GPC6: variants seen among roughly 807,000 people sequenced by gnomAD.
GPC6 encodes the protein glypican 6, also known as glypican-6.
GPC6 carries 14 observed loss-of-function variants against 55.2 expected under a neutral mutation model. The ratio of observed to expected loss-of-function variants is 0.25; its 90% confidence interval spans 0.17 to 0.40. GPC6 has a LOEUF of 0.40. Ranked by LOEUF, GPC6 falls within the 10% of genes least tolerant of loss-of-function variation. GPC6 has a pLI of 1.00. For missense variants in GPC6, 641 were observed against 708.5 expected (o/e 0.90, Z 1.08); for synonymous variants, 278 against 259.6 (o/e 1.07, Z -0.68).
At position 94,138,681 on chromosome 13, in the gene GPC6, A is replaced by G. The variant is rs576745246; in HGVS notation, c.877+110787A>G. Among the ~76,000 whole-genome samples, 5 of 152,298 alleles carry G rather than the reference A, an allele frequency of 3.3e-5. No homozygotes were observed. In the South Asian group the frequency reaches 8.3e-4, roughly 25 times the overall value. The stretch of plus-strand genomic sequence containing the variant: ...TGATCTTACCATGTGAAATTTTACT[A>G]TAAGCTTAAGCCTACTTAAGGTATC... On this transcript the variant is annotated intron_variant, in intron 4 of 8. Transcript: ENST00000377047.
At chr13:93,647,819 GCT>G (rs1055526949) in intron 2 of GPC6, among the ~76,000 whole-genome samples, 4 of 152,000 alleles carry the variant, frequency 2.6e-5, no homozygotes, top group African/African-American at 9.7e-5. Flanking sequence ...CCATAGCCTG[GCT>G]CTCTCTGTCT....
chr13:93,840,637 G>T (rs1043890991), intron 3 of GPC6, among the ~76,000 whole-genome samples: 2 of 151,976 alleles, frequency 1.3e-5, no homozygotes, highest in African/African-American at 2.4e-5. Flanking sequence ...TTTCCCAGGG[G>T]TATATTCTGG....
intron 5 of GPC6, among the ~76,000 whole-genome samples, chr13:94,305,221 A>G (rs982042060): frequency 3.9e-5 from 6 of 152,212 alleles, no homozygotes; most frequent in Non-Finnish European, 8.8e-5. Context: ...CCGTTGCAGC[A>G]ATGAGAAATA....
chr13:93,372,574 T>C (rs2139193182), intron 1 of GPC6, among the ~76,000 whole-genome samples: 1 of 152,316 alleles, frequency 6.6e-6, no homozygotes, highest in Middle Eastern at 3.4e-3. Flanking sequence ...ATGCAAGTTA[T>C]TGTATATTCT....
chr13:93,233,598 C>T (rs375087592), intron 1 of GPC6, among the ~76,000 whole-genome samples: 2 of 152,158 alleles, frequency 1.3e-5, no homozygotes, highest in African/African-American at 2.4e-5. Flanking sequence ...AAATGCATAG[C>T]ACTAAGGACA....
At chr13:94,041,547 T>G (rs542319383) in intron 4 of GPC6, among the ~76,000 whole-genome samples, 1 of 151,882 alleles carries the variant, frequency 6.6e-6, no homozygotes, top group Non-Finnish European at 1.5e-5. Context: ...TTAATTAGTA[T>G]GTCATTTTTG....
At chr13:94,326,712 G>C (rs1877138501) in intron 6 of GPC6, among the ~76,000 whole-genome samples, 1 of 152,212 alleles carries the variant, frequency 6.6e-6, no homozygotes, top group Non-Finnish European at 1.5e-5. Flanking sequence ...CCTACATGTT[G>C]TCACTTTGCA....
At chr13:93,830,113 A>G (rs1318224684) in intron 2 of GPC6, 41 bp from the exon 3 acceptor site, 1 of 1,551,316 alleles carries the variant, frequency 6.4e-7, no homozygotes, top group Admixed American at 1.8e-5. Context: ...TGGGCTTTCT[A>G]GATTTCATTA....
chr13:93,670,212 G>A (rs2139625574), intron 2 of GPC6, among the ~76,000 whole-genome samples: 1 of 152,238 alleles, frequency 6.6e-6, no homozygotes, highest in Non-Finnish European at 1.5e-5. Context: ...ACACCCAGTA[G>A]AGCCACTCCT....
At chr13:93,641,234 A>T (rs1879922478) in intron 2 of GPC6, among the ~76,000 whole-genome samples, 1 of 151,488 alleles carries the variant, frequency 6.6e-6, no homozygotes, top group African/African-American at 2.4e-5. Context: ...CCCACTCCTC[A>T]TCCCACACAC....
intron 4 of GPC6, among the ~76,000 whole-genome samples, chr13:94,091,801 A>G (rs4773780): frequency 0.8 from 121,581 of 151,400 alleles, 49,175 homozygotes; most frequent in South Asian, 0.88. Flanking sequence ...GAGTCACTAA[A>G]ATGAAAAGAA....
intron 2 of GPC6, among the ~76,000 whole-genome samples, chr13:93,650,869 A>AT (rs34513238): frequency 0.52 from 78,030 of 150,574 alleles, 21,256 homozygotes; most frequent in Middle Eastern, 0.64. Flanking sequence ...TCAAAATCAC[A>AT]TTTTTTTTTT....
chr13:93,937,831 G>A (rs543083712), intron 3 of GPC6, among the ~76,000 whole-genome samples: 1 of 152,166 alleles, frequency 6.6e-6, no homozygotes, highest in African/African-American at 2.4e-5. Context: ...CTTCTGCCTT[G>A]GCCTCCCAAA....
At position 93,723,589 on chromosome 13, in the gene GPC6, G is replaced by A. The variant is rs565671923; in HGVS notation, c.320-106565G>A. ...CTGACCTATAGGAACTGTGGCATAAGGAATCTTGTTCTAAGCTACTGTCTT... is the reference window on the plus strand; with the variant it reads ...CTGACCTATAGGAACTGTGGCATAAAGAATCTTGTTCTAAGCTACTGTCTT... On this transcript the variant is annotated intron_variant, in intron 2 of 8. Transcript: ENST00000377047. Among the ~76,000 whole-genome samples, 5 of 152,122 alleles carry A rather than the reference G, an allele frequency of 3.3e-5. No homozygotes were observed. The East Asian group carries it at 5.8e-4, about 18-fold the overall frequency.
At chr13:94,335,546 C>T (rs1464843486) in intron 6 of GPC6, among the ~76,000 whole-genome samples, 2 of 152,154 alleles carry the variant, frequency 1.3e-5, no homozygotes, top group East Asian at 3.9e-4. Flanking sequence ...TTAGGTTTGA[C>T]ATCTAGTAGG....
chr13:93,690,479 G>A (rs1882219433), intron 2 of GPC6, among the ~76,000 whole-genome samples: 1 of 151,542 alleles, frequency 6.6e-6, no homozygotes, highest in Non-Finnish European at 1.5e-5. Flanking sequence ...GATTTTTATG[G>A]CCTCTCACTA....
At chr13:93,672,747 A>G (rs540506696) in intron 2 of GPC6, among the ~76,000 whole-genome samples, 5 of 151,956 alleles carry the variant, frequency 3.3e-5, no homozygotes, top group Admixed American at 2.0e-4. Flanking sequence ...AATAAAATAC[A>G]TTCTCTCAGT....
At chr13:93,591,363 C>G (rs1454991790) in intron 2 of GPC6, among the ~76,000 whole-genome samples, 1 of 151,116 alleles carries the variant, frequency 6.6e-6, no homozygotes, top group Non-Finnish European at 1.5e-5. Context: ...ACTCGGGAGG[C>G]TGAGGCAGGA....
chr13:93,548,121 T>C (rs1874929276), intron 2 of GPC6, among the ~76,000 whole-genome samples: 1 of 152,240 alleles, frequency 6.6e-6, no homozygotes, highest in African/African-American at 2.4e-5. Context: ...AATGGTACTA[T>C]AAAAGACTTT....
Sources: gnomAD v4.1 joint callset for allele counts (sites outside exome capture counted in the v4.1 genomes callset) on GRCh38, gnomAD v4.1.1 for gene constraint, MANE v1.5 for transcripts, NCBI Gene and HGNC (gene_info 2026-07-23, HGNC 2026-07-21) for gene names.